Variants in MALRD1 observed in about 807,000 individuals in gnomAD.
The protein encoded by MALRD1 is MAM and LDL-receptor class A domain-containing protein 1.
Under a neutral mutation model 242.1 loss-of-function variants are expected in MALRD1, and 247 were observed. The observed-to-expected ratio is 1.02, with a 90% confidence interval of 0.92 to 1.13. The LOEUF (loss-of-function observed/expected upper bound fraction) is 1.13, where lower values mean the gene tolerates loss of function less well. MALRD1 is among the 50% of genes most tolerant of loss of function. MALRD1 has a pLI of 0.00. For synonymous variants in MALRD1, 995 were observed against 866.6 expected, an observed-to-expected ratio of 1.15 and a Z score of -2.60; for missense variants, 2,989 against 2,533.1, an observed-to-expected ratio of 1.18 and a Z score of -3.86.
intron 29 of MALRD1, among the ~76,000 whole-genome samples, chr10:19,480,420 G>A (rs1023535845): frequency 9.2e-5 from 14 of 152,162 alleles, no homozygotes; most frequent in African/African-American, 3.1e-4. Flanking sequence ...GCAGTTGAAA[G>A]TCTGGACTGG....
intron 11 of MALRD1, among the ~76,000 whole-genome samples, chr10:19,152,192 A>G (rs1046645054): frequency 6.6e-6 from 1 of 152,206 alleles, no homozygotes; most frequent in African/African-American, 2.4e-5. Context: ...TGCCATGACC[A>G]GGAATAAAAC....
At chr10:19,721,010 TAAAGCCA>T (rs1213964197) in intron 38 of MALRD1, among the ~76,000 whole-genome samples, 3,434 of 151,682 alleles carry the variant, frequency 0.023, 121 homozygotes, top group African/African-American at 0.078. Context: ...CCTTAGGTTA[TAAAGCCA>T]GGGAAGAAAA....
chr10:19,592,427 C>T (rs1157867720), intron 33 of MALRD1, among the ~76,000 whole-genome samples: 1 of 152,170 alleles, frequency 6.6e-6, no homozygotes, highest in Non-Finnish European at 1.5e-5. Context: ...GAGCTGTTCC[C>T]AGGAGGAGGT....
chr10:19,370,452 T>C (rs1845324527), intron 26 of MALRD1, among the ~76,000 whole-genome samples: 1 of 150,992 alleles, frequency 6.6e-6, no homozygotes, highest in South Asian at 2.1e-4. Flanking sequence ...TTAAAAAAAT[T>C]GTCTCTACTT....
intron 18 of MALRD1, among the ~76,000 whole-genome samples, chr10:19,250,943 T>A (rs1490831310): frequency 6.6e-6 from 1 of 151,904 alleles, no homozygotes; most frequent in East Asian, 1.9e-4. Flanking sequence ...TCTTTTTTGA[T>A]TTCTCTTTTA....
intron 2 of MALRD1, among the ~76,000 whole-genome samples, chr10:19,078,415 C>G (rs1835383794): frequency 6.6e-6 from 1 of 151,676 alleles, no homozygotes; most frequent in East Asian, 1.9e-4. Context: ...TTCCGCTTGA[C>G]CATGGCGAAA....
intron 36 of MALRD1, among the ~76,000 whole-genome samples, chr10:19,676,389 C>G (rs7900557): frequency 0.021 from 3,172 of 152,106 alleles, 123 homozygotes; most frequent in African/African-American, 0.073. Flanking sequence ...GATATTTAGG[C>G]GAAATTGATG....
chr10:19,442,134 A>G (rs1043221520), intron 28 of MALRD1, among the ~76,000 whole-genome samples: 1 of 152,022 alleles, frequency 6.6e-6, no homozygotes, highest in South Asian at 2.1e-4. Flanking sequence ...GCTCTCTGTT[A>G]GTCTGTTATT....
intron 24 of MALRD1, among the ~76,000 whole-genome samples, chr10:19,345,753 T>A (rs1453532569): frequency 8.2e-6 from 1 of 122,142 alleles, no homozygotes; most frequent in East Asian, 2.3e-4. Context: ...GATGTTTTCT[T>A]GAAGTAATCT....
intron 29 of MALRD1, among the ~76,000 whole-genome samples, chr10:19,473,338 A>G (rs146494355): frequency 1.3e-5 from 2 of 152,024 alleles, no homozygotes; most frequent in African/African-American, 4.8e-5. Flanking sequence ...TAGAACATAA[A>G]ACTACCATCT....
intron 17 of MALRD1, among the ~76,000 whole-genome samples, chr10:19,206,679 A>C (rs1038594147): frequency 6.6e-6 from 1 of 152,192 alleles, no homozygotes; most frequent in Admixed American, 6.5e-5. Context: ...CACAGTGTAC[A>C]TTACAGATCC....
At chr10:19,121,692 G>A (rs1290805890) in intron 5 of MALRD1, among the ~76,000 whole-genome samples, 2 of 152,142 alleles carry the variant, frequency 1.3e-5, no homozygotes, top group Non-Finnish European at 2.9e-5. Flanking sequence ...AATGGAAGAC[G>A]TCATCCAGAG....
intron 36 of MALRD1, among the ~76,000 whole-genome samples, chr10:19,662,062 A>G (rs182594576): frequency 6.6e-6 from 1 of 152,260 alleles, no homozygotes; most frequent in East Asian, 1.9e-4. Flanking sequence ...AACAAGTAGC[A>G]TCTGTTAATG....
chr10:19,142,030 G>T (rs895178204), intron 10 of MALRD1, among the ~76,000 whole-genome samples: 5 of 151,818 alleles, frequency 3.3e-5, no homozygotes, highest in Admixed American at 2.0e-4. Flanking sequence ...AAATTAGCCG[G>T]GCGTTGTGGT....
intron 32 of MALRD1, among the ~76,000 whole-genome samples, chr10:19,547,511 T>C (rs1235561857): frequency 6.6e-6 from 1 of 151,826 alleles, no homozygotes; most frequent in East Asian, 1.9e-4. Context: ...TCTGAAATTA[T>C]TATTTTTTTA....
chr10:19,395,113 G>T (rs1589016466), intron 28 of MALRD1, among the ~76,000 whole-genome samples: 1 of 152,072 alleles, frequency 6.6e-6, no homozygotes, highest in Admixed American at 6.6e-5. Flanking sequence ...GCATAGTTTT[G>T]TTATATTGTA....
At chr10:19,306,125 A>ACATATATACTATATAG (rs1842179510) in intron 21 of MALRD1, among the ~76,000 whole-genome samples, 1 of 82,532 alleles carries the variant, frequency 1.2e-5, no homozygotes, top group Non-Finnish European at 2.3e-5. Context: ...ACTATCTAGT[A>ACATATATACTATATAG]TATATAGTAT....
At chr10:19,632,214 T>C (rs1353065296) in intron 36 of MALRD1, among the ~76,000 whole-genome samples, 2 of 152,156 alleles carry the variant, frequency 1.3e-5, no homozygotes, top group Non-Finnish European at 1.5e-5. Context: ...GTGGTAGAGC[T>C]TCAAAGAAAA....
intron 28 of MALRD1, among the ~76,000 whole-genome samples, chr10:19,406,840 T>C (rs1316840755): frequency 6.6e-6 from 1 of 152,150 alleles, no homozygotes; most frequent in African/African-American, 2.4e-5. Context: ...AGCTCTTTAG[T>C]GAGAAAAAAT....
Sources: allele counts gnomAD v4.1 joint callset (sites outside exome capture counted in the v4.1 genomes callset), GRCh38; gene constraint gnomAD v4.1.1; transcripts MANE v1.5; gene names NCBI Gene and HGNC (gene_info 2026-07-23, HGNC 2026-07-21).